The following NELL1 variants were observed in gnomAD, a reference collection of about 807,000 sequenced individuals.
NELL1 encodes protein kinase C-binding protein NELL1.
NELL1 carries 76 observed loss-of-function variants against 107.4 expected under a neutral mutation model. That is an observed-to-expected ratio of 0.71 (90% confidence interval 0.59 to 0.86). The LOEUF (loss-of-function observed/expected upper bound fraction) is 0.86. NELL1 is among the 40% of genes least tolerant of loss of function. NELL1 has a pLI of 0.00. For missense variants in NELL1, 1,024 were observed against 1,005.5 expected, an observed-to-expected ratio of 1.02 and a Z score of -0.25; for synonymous variants, 353 against 341.2, an observed-to-expected ratio of 1.03 and a Z score of -0.38.
At chr11:20,743,307 C>T (rs59114041) in intron 2 of NELL1, among the ~76,000 whole-genome samples, 123 of 151,600 alleles carry the variant, frequency 8.1e-4, no homozygotes, top group African/African-American at 2.9e-3. Context: ...GAGCCAAGAT[C>T]GTGCCACTGT....
At chr11:20,923,313 C>G (rs556650854) in intron 7 of NELL1, among the ~76,000 whole-genome samples, 1 of 152,258 alleles carries the variant, frequency 6.6e-6, no homozygotes, top group African/African-American at 2.4e-5. Flanking sequence ...AGTGACTGTG[C>G]CCTTGCTTGA....
intron 14 of NELL1, among the ~76,000 whole-genome samples, chr11:21,322,946 G>GC (rs140431512): frequency 6.6e-6 from 1 of 151,946 alleles, no homozygotes; most frequent in African/African-American, 2.4e-5. Context: ...AATTGAAAGT[G>GC]CCCCCTTAGG....
At chr11:21,030,782 A>G (rs1202974756) in intron 12 of NELL1, among the ~76,000 whole-genome samples, 2 of 152,182 alleles carry the variant, frequency 1.3e-5, no homozygotes, top group African/African-American at 4.8e-5. Context: ...AAAGACAAAA[A>G]TCACCAATAA....
chr11:21,286,868 A>C (rs1352546597), intron 14 of NELL1, among the ~76,000 whole-genome samples: 2 of 152,198 alleles, frequency 1.3e-5, no homozygotes, highest in Non-Finnish European at 2.9e-5. Flanking sequence ...TGCATGGAAT[A>C]CATGTTTGTT....
chr11:21,568,719 T>C (rs80305157), intron 17 of NELL1, among the ~76,000 whole-genome samples: 3,898 of 151,826 alleles, frequency 0.026, 187 homozygotes, highest in African/African-American at 0.089. Flanking sequence ...TCAATATCAC[T>C]GTCTTTCACC....
At chr11:21,062,933 T>A (rs1853776905) in intron 12 of NELL1, among the ~76,000 whole-genome samples, 1 of 152,140 alleles carries the variant, frequency 6.6e-6, no homozygotes, top group Admixed American at 6.5e-5. Context: ...GTTCAAGCAA[T>A]TCTCATCCCT....
chr11:21,432,816 G>T (rs1853000083), intron 15 of NELL1, among the ~76,000 whole-genome samples: 1 of 152,064 alleles, frequency 6.6e-6, no homozygotes, highest in South Asian at 2.1e-4. Flanking sequence ...TCAAATCAGG[G>T]TAATTAGCAT....
intron 5 of NELL1, among the ~76,000 whole-genome samples, chr11:20,916,744 T>TATG (rs1197141992): frequency 6.6e-6 from 1 of 151,898 alleles, no homozygotes; most frequent in East Asian, 1.9e-4. Context: ...ATTCTTTTAT[T>TATG]ATTATTATTA....
chr11:20,674,572 G>A lies in NELL1; in HGVS notation c.56-3360G>A, dbSNP rs543522721. The A allele has an allele frequency of 5.0e-5, 75 of 1,511,940 alleles. No homozygotes were observed. In the South Asian group the frequency reaches 8.6e-4, roughly 17 times the overall value. 93.7% of individuals were successfully genotyped at this position (1,511,940 alleles called of 1,614,324 possible). A position where few individuals can be genotyped will look rare whatever the true frequency, so the allele number is the denominator to read the frequency against. On this transcript the variant is annotated intron_variant, in intron 1 of 19. Transcript: ENST00000357134. The stretch of plus-strand genomic sequence containing the variant: ...TCTGCTTCAGCAATCCCTTCAGGGA[G>A]GCAGGTATTAACGTTCCTATTTTAT...
intron 15 of NELL1, among the ~76,000 whole-genome samples, chr11:21,516,044 G>A (rs1242725838): frequency 6.6e-6 from 1 of 152,150 alleles, no homozygotes; most frequent in African/African-American, 2.4e-5. Context: ...GAAGCCATGT[G>A]TGGTTACTTA....
chr11:21,236,827 C>A (rs964310586), intron 14 of NELL1, among the ~76,000 whole-genome samples: 1 of 152,202 alleles, frequency 6.6e-6, no homozygotes, highest in Non-Finnish European at 1.5e-5. Flanking sequence ...GGGGACATGA[C>A]AAGTTACTAA....
At chr11:20,945,594 A>G (rs891102214) in intron 10 of NELL1, among the ~76,000 whole-genome samples, 12 of 152,230 alleles carry the variant, frequency 7.9e-5, no homozygotes, top group African/African-American at 2.9e-4. Flanking sequence ...GAATAAATAT[A>G]TTAATATTGA....
intron 15 of NELL1, among the ~76,000 whole-genome samples, chr11:21,472,582 A>G (rs1854210451): frequency 6.6e-6 from 1 of 151,866 alleles, no homozygotes; most frequent in South Asian, 2.1e-4. Flanking sequence ...ATGCTGAGGG[A>G]GAAAGAAGGA....
chr11:21,320,816 AT>A (rs1453902643), intron 14 of NELL1, among the ~76,000 whole-genome samples: 2 of 152,192 alleles, frequency 1.3e-5, no homozygotes, highest in Admixed American at 1.3e-4. Flanking sequence ...CCCCTGAAAT[AT>A]GCTTTCTATG....
intron 3 of NELL1, among the ~76,000 whole-genome samples, chr11:20,785,805 G>A (rs916743112): frequency 6.6e-6 from 1 of 152,136 alleles, no homozygotes; most frequent in African/African-American, 2.4e-5. Flanking sequence ...ATGGTGAGTG[G>A]CCATCCCTTG....
rs141790121 is a variant in NELL1 at position 20,739,456 on chromosome 11, T to C, written c.185-44224T>C. On this transcript the variant is annotated intron_variant, in intron 2 of 19. Transcript: ENST00000357134. Reference sequence around the variant, plus strand: ...TTGCTTTCCTGCTGTGCTTTGTTGCTCTTTAAATGTTCCCAGCAGACAATA... The same window carrying C: ...TTGCTTTCCTGCTGTGCTTTGTTGCCCTTTAAATGTTCCCAGCAGACAATA... Among the ~76,000 whole-genome samples, 589 of 152,330 alleles carry C rather than the reference T, an allele frequency of 3.9e-3. 4 individuals are homozygous for C. Among genetic ancestry groups the C allele is most frequent in the African/African-American group, 0.013 (542 of 41,578 alleles).
intron 2 of NELL1, among the ~76,000 whole-genome samples, chr11:20,691,192 A>G (rs570077375): frequency 1.5e-3 from 231 of 152,218 alleles, no homozygotes; most frequent in African/African-American, 5.2e-3. Context: ...GGCTGAGACA[A>G]TGGCGTTTTC....
At chr11:20,825,561 G>T (rs1857862842) in intron 3 of NELL1, among the ~76,000 whole-genome samples, 1 of 151,254 alleles carries the variant, frequency 6.6e-6, no homozygotes. Context: ...TTGCCTCATT[G>T]GATTTCGAAC....
intron 14 of NELL1, among the ~76,000 whole-genome samples, chr11:21,285,990 C>A (rs1286904066): frequency 6.6e-6 from 1 of 152,026 alleles, no homozygotes; most frequent in African/African-American, 2.4e-5. Context: ...TAGGAAAGGC[C>A]TGTAGATAGA....
Sources: gnomAD v4.1 joint callset for allele counts (sites outside exome capture counted in the v4.1 genomes callset) on GRCh38, gnomAD v4.1.1 for gene constraint, MANE v1.5 for transcripts, NCBI Gene and HGNC (gene_info 2026-07-23, HGNC 2026-07-21) for gene names.